IDE: variants seen among roughly 807,000 people sequenced by gnomAD.
IDE encodes insulin-degrading enzyme.
Under a neutral mutation model 133.2 loss-of-function variants are expected in IDE, and 58 were observed. That is an observed-to-expected ratio of 0.44 (90% CI 0.35 to 0.54). The LOEUF is 0.54. Ranked by LOEUF, IDE falls within the 20% of genes least tolerant of loss-of-function variation. The pLI is 0.00. For synonymous variants in IDE, 396 were observed against 421.3 expected (o/e 0.94, Z 0.73); for missense variants, 981 against 1,234.0 (o/e 0.79, Z 3.07).
At chr10:92,524,177 G>T (rs1432320961) in intron 4 of IDE, among the ~76,000 whole-genome samples, 1 of 146,364 alleles carries the variant, frequency 6.8e-6, no homozygotes, top group Non-Finnish European at 1.5e-5. Flanking sequence ...GGGCATGGTG[G>T]CAGGCATGTA....
chr10:92,455,665 A>G (rs1186228978), intron 23 of IDE, 22 bp from the exon 24 acceptor site: 1 of 1,406,882 alleles, frequency 7.1e-7, no homozygotes, highest in Non-Finnish European at 1.0e-6. Context: ...TAAAAGGTTT[A>G]ATACTTTGTA....
At chr10:92,515,145 A>G (rs989146410) in intron 4 of IDE, 103 bp from the exon 5 acceptor site, 12 of 904,428 alleles carry the variant, frequency 1.3e-5, no homozygotes, top group African/African-American at 1.3e-4. Context: ...TTAAAAATAA[A>G]GTTCTAATAC....
intron 4 of IDE, among the ~76,000 whole-genome samples, chr10:92,520,982 A>G (rs1263726336): frequency 6.6e-6 from 1 of 152,196 alleles, no homozygotes; most frequent in Non-Finnish European, 1.5e-5. Flanking sequence ...TACTCAAAAA[A>G]CAAATTAGTC....
intron 1 of IDE, chr10:92,541,256 T>C (rs893293236): frequency 1.3e-5 from 6 of 458,180 alleles, no homozygotes; most frequent in African/African-American, 8.1e-5. Flanking sequence ...GGTTTACCTA[T>C]AGCATATCTA....
intron 1 of IDE, among the ~76,000 whole-genome samples, chr10:92,563,299 A>G (rs193128991): frequency 5.3e-5 from 8 of 152,048 alleles, no homozygotes; most frequent in Admixed American, 5.2e-4. Flanking sequence ...TAAAAATACA[A>G]AAATTAGCTG....
At position 92,452,381 on chromosome 10, in the gene IDE, T is replaced by C. The variant is rs1441145378; in HGVS notation, c.*2063A>G. ...AAGAAGCCTCAGGTAACTAATAACT[T>C]AGTTCCACAAATCTCATTTACTAAG... On this transcript the variant is annotated 3_prime_UTR_variant, in exon 25 of 25. Coordinates refer to ENST00000265986, the MANE Select transcript of IDE (RefSeq NM_004969.4). 6.6e-6 allele frequency: 1 copy of C among 152,182 alleles called. No homozygotes were observed. The highest frequency in any genetic ancestry group is 1.5e-5 in the Non-Finnish European group (1 of 68,042). The allele number at this position is 152,182 out of a possible 1,614,324, so 9.4% of individuals were successfully genotyped here. A position where few individuals can be genotyped will look rare whatever the true frequency, so the allele number is the denominator to read the frequency against.
chr10:92,551,803 C>T (rs1176229864), intron 1 of IDE, among the ~76,000 whole-genome samples: 1 of 151,838 alleles, frequency 6.6e-6, no homozygotes, highest in African/African-American at 2.4e-5. Flanking sequence ...TACACAACAA[C>T]GTGGATGTAT....
chr10:92,514,896 AT>A (rs1449174174), intron 5 of IDE, 23 bp downstream of exon 5: 2 of 1,595,204 alleles, frequency 1.3e-6, no homozygotes, highest in East Asian at 4.5e-5. Context: ...ATCCAATTCT[AT>A]AAAAAATTGT....
intron 1 of IDE, chr10:92,559,237 G>A (rs1843162045): frequency 6.6e-6 from 1 of 152,228 alleles, no homozygotes; most frequent in Admixed American, 6.5e-5. Flanking sequence ...AAACACAAGA[G>A]TTAGCATATG....
chr10:92,548,542 A>T (rs1408857964), intron 1 of IDE, among the ~76,000 whole-genome samples: 1 of 152,080 alleles, frequency 6.6e-6, no homozygotes, highest in Non-Finnish European at 1.5e-5. Flanking sequence ...GTCATCCATG[A>T]ATGGTAACTT....
chr10:92,573,987 G>A lies in IDE; in HGVS notation c.33C>T (p.Pro11=), dbSNP rs889148974. 6.6e-7 allele frequency: 1 copy of A among 1,510,190 alleles called. No homozygotes were observed. Among genetic ancestry groups the A allele is most frequent in the Non-Finnish European group, 8.8e-7 (1 of 1,131,542 alleles). The allele number at this position is 1,510,190 out of a possible 1,614,324, so 93.5% of individuals were successfully genotyped here. A position where few individuals can be genotyped will look rare whatever the true frequency, so the allele number is the denominator to read the frequency against. The change falls in exon 1 of 25, where the codon CCC becomes CCT. Residue 11 remains proline, a synonymous_variant. Coordinates refer to ENST00000265986, the MANE Select transcript of IDE (RefSeq NM_004969.4). MRYRLAWLLH[P]ALPSTFRSVL... is the part of the protein sequence containing the mutation. The stretch of plus-strand genomic sequence containing the variant: ...CTGAGCGGAAGGTGCTGGGCAGTGC[G>A]GGGTGCAGAAGCCACGCTAGCCGGT...
chr10:92,462,924 T>C (rs1845474933), intron 21 of IDE, among the ~76,000 whole-genome samples: 1 of 151,966 alleles, frequency 6.6e-6, no homozygotes, highest in South Asian at 2.1e-4. Flanking sequence ...AGGCTGGACG[T>C]GGTGGCTCAC....
rs1589345185 is a variant in IDE at position 92,454,197 on chromosome 10, TTCTC to T, written c.*243_*246del. 4 of 318,062 alleles carry T rather than the reference TTCTC, an allele frequency of 1.3e-5. No individual in the cohort carries two copies. The highest frequency in any genetic ancestry group is 8.8e-5 in the Admixed American group (2 of 22,834). 19.7% of individuals were successfully genotyped at this position (318,062 alleles called of 1,614,324 possible). ...TTAAGCATTGTTATATTGGGGAAAT[TTCTC>T]TCAGTAATCAAAAGAAAAATTTTAA... On this transcript the variant is annotated 3_prime_UTR_variant, in exon 25 of 25. Transcript: ENST00000265986.
intron 11 of IDE, among the ~76,000 whole-genome samples, chr10:92,500,481 A>G (rs1047769822): frequency 6.6e-6 from 1 of 152,224 alleles, no homozygotes; most frequent in African/African-American, 2.4e-5. Flanking sequence ...ATGTTGTATG[A>G]TTCTACTTAC....
chr10:92,549,256 T>TA (rs34494546), intron 1 of IDE, among the ~76,000 whole-genome samples: 48,537 of 146,142 alleles, frequency 0.33, 7,891 homozygotes, highest in Admixed American at 0.38. Context: ...GACTGTGTCT[T>TA]AAAAAAAAAA....
Position 92,551,318 on chromosome 10 carries a change from C to T in IDE, c.99-13768G>A, listed in dbSNP as rs566803107. Among the ~76,000 whole-genome samples the T allele has an allele frequency of 2.0e-5, 3 of 152,208 alleles. No homozygotes were observed. The South Asian group carries it at 6.2e-4, about 32-fold the overall frequency. ...GGTGCAGTGGCTCATGCCTGCAATC[C>T]CAGCACTTTGGGAGGCTAAGGCAGG... On this transcript the variant is annotated intron_variant, in intron 1 of 24. Coordinates refer to ENST00000265986, the MANE Select transcript of IDE (RefSeq NM_004969.4).
At chr10:92,536,017 C>T (rs1841979457) in intron 2 of IDE, among the ~76,000 whole-genome samples, 1 of 150,648 alleles carries the variant, frequency 6.6e-6, no homozygotes, top group Admixed American at 6.6e-5. Flanking sequence ...GCCTCGGCAA[C>T]AGAGTGAGAC....
intron 5 of IDE, among the ~76,000 whole-genome samples, chr10:92,512,559 TAA>T (rs11373926): frequency 3.6e-5 from 5 of 140,068 alleles, no homozygotes; most frequent in Admixed American, 1.4e-4. Flanking sequence ...CAACATAGAT[TAA>T]AAAAAAAAAA....
At chr10:92,471,959 G>C (rs2135379449) in intron 17 of IDE, among the ~76,000 whole-genome samples, 1 of 152,246 alleles carries the variant, frequency 6.6e-6, no homozygotes, top group East Asian at 1.9e-4. Context: ...GTGCATGGCA[G>C]GCAGTCAGTA....
Sources: allele counts gnomAD v4.1 joint callset (sites outside exome capture counted in the v4.1 genomes callset), GRCh38; gene constraint gnomAD v4.1.1; transcripts MANE v1.5; gene names NCBI Gene and HGNC (gene_info 2026-07-23, HGNC 2026-07-21).